The following CALN1 variants were observed in gnomAD, a reference collection of about 807,000 sequenced individuals.
CALN1 encodes the protein calcium-binding protein 8.
Under a neutral mutation model 30.6 loss-of-function variants are expected in CALN1, and 17 were observed. The observed-to-expected ratio is 0.56, with a 90% confidence interval of 0.38 to 0.83. CALN1 has a LOEUF of 0.83. Ranked by LOEUF, CALN1 falls within the 40% of genes least tolerant of loss-of-function variation. The pLI is 0.00. For missense variants in CALN1, 291 were observed against 354.9 expected (o/e 0.82, Z 1.45); for synonymous variants, 156 against 131.4 (o/e 1.19, Z -1.28).
At chr7:72,473,748 C>T in the CALN1 span, among the ~76,000 whole-genome samples, 2 of 151,822 alleles carry the variant, frequency 1.3e-5, no homozygotes, top group African/African-American at 2.4e-5. Context: ...GCCTGGCCAA[C>T]GTGGCGAAAC....
intron 5 of CALN1, among the ~76,000 whole-genome samples, chr7:71,859,104 C>T (rs1320360348): frequency 2.0e-5 from 3 of 152,012 alleles, no homozygotes; most frequent in African/African-American, 7.2e-5. Flanking sequence ...TGCTCTATCC[C>T]CAAGCTGGAG....
chr7:72,217,176 A>G (rs1792887998), intron 3 of CALN1, among the ~76,000 whole-genome samples: 1 of 152,134 alleles, frequency 6.6e-6, no homozygotes, highest in African/African-American at 2.4e-5. Flanking sequence ...TCCCACACCC[A>G]AACTCCCCCT....
intron 3 of CALN1, among the ~76,000 whole-genome samples, chr7:72,251,394 T>C (rs1795546778): frequency 6.6e-6 from 1 of 152,102 alleles, no homozygotes; most frequent in Non-Finnish European, 1.5e-5. Flanking sequence ...TCCTCTGAAC[T>C]ACTTTTTTTT....
intron 3 of CALN1, among the ~76,000 whole-genome samples, chr7:72,261,265 G>A (rs1050642990): frequency 5.9e-5 from 9 of 152,042 alleles, no homozygotes; most frequent in Non-Finnish European, 1.3e-4. Flanking sequence ...CGGAGATCAC[G>A]CCACTGCATT....
intron 5 of CALN1, among the ~76,000 whole-genome samples, chr7:71,886,492 G>A (rs113831663): frequency 6.6e-6 from 1 of 152,242 alleles, no homozygotes; most frequent in Admixed American, 6.5e-5. Flanking sequence ...AAGCCTTCCG[G>A]CTGGGCATGG....
intron 3 of CALN1, among the ~76,000 whole-genome samples, chr7:72,169,874 G>C (rs553359417): frequency 6.6e-6 from 1 of 151,882 alleles, no homozygotes; most frequent in South Asian, 2.1e-4. Context: ...TATCTTTTTA[G>C]TAGAGACAGG....
intron 5 of CALN1, among the ~76,000 whole-genome samples, chr7:71,819,551 G>A (rs1788475426): frequency 6.6e-6 from 1 of 152,132 alleles, no homozygotes. Context: ...CTTTCACAGT[G>A]TCATACAAAC....
intron 5 of CALN1, among the ~76,000 whole-genome samples, chr7:71,909,254 G>A (rs915001744): frequency 1.4e-4 from 22 of 152,318 alleles, no homozygotes; most frequent in Non-Finnish European, 2.6e-4. Flanking sequence ...CTCCGGAAGT[G>A]CTGGTATTAC....
intron 3 of CALN1, among the ~76,000 whole-genome samples, chr7:72,272,059 C>A (rs1322421919): frequency 1.8e-3 from 222 of 120,714 alleles, no homozygotes; most frequent in Non-Finnish European, 1.9e-3. Flanking sequence ...AAGATTCTGT[C>A]AAAAAAAAAA....
rs187715724 is a variant in CALN1, at chr7:72,274,747, C to T, written c.244+3939G>A. ...CTCTACTACCTAGAAGGCATTTCCTCCTCCACCTAGTAAATATCCGTTTAA... is the reference window on the plus strand; with the variant it reads ...CTCTACTACCTAGAAGGCATTTCCTTCTCCACCTAGTAAATATCCGTTTAA... On this transcript the variant is annotated intron_variant, in intron 3 of 6. Transcript: ENST00000395275. 8.1e-3 allele frequency among the ~76,000 whole-genome samples: 1,231 copies of T among 152,230 alleles called. 8 individuals are homozygous for T. The highest frequency in any genetic ancestry group is 0.014 in the Middle Eastern group (4 of 294).
At chr7:72,351,165 T>G (rs1802900089) in intron 2 of CALN1, among the ~76,000 whole-genome samples, 1 of 152,094 alleles carries the variant, frequency 6.6e-6, no homozygotes, top group South Asian at 2.1e-4. Flanking sequence ...TTTTTTAATT[T>G]TAAAAAATAA....
At chr7:71,911,725 C>T (rs1322438630) in intron 5 of CALN1, among the ~76,000 whole-genome samples, 1 of 151,994 alleles carries the variant, frequency 6.6e-6, no homozygotes, top group Non-Finnish European at 1.5e-5. Flanking sequence ...AATGAAAGGG[C>T]GATGTGCTAA....
chr7:71,953,763 A>G (rs1584598412), intron 5 of CALN1, among the ~76,000 whole-genome samples: 1 of 152,048 alleles, frequency 6.6e-6, no homozygotes, highest in African/African-American at 2.4e-5. Flanking sequence ...ACTGACAAGC[A>G]GAGGACCAGT....
intron 5 of CALN1, among the ~76,000 whole-genome samples, chr7:71,970,598 T>G (rs1192379411): frequency 1.3e-5 from 2 of 151,816 alleles, no homozygotes; most frequent in African/African-American, 4.8e-5. Flanking sequence ...TTTTTTTTTT[T>G]GCAGCCAGCT....
chr7:71,882,850 TTG>T (rs34870061), intron 5 of CALN1, among the ~76,000 whole-genome samples: 6,271 of 130,906 alleles, frequency 0.048, 153 homozygotes, highest in South Asian at 0.13. Flanking sequence ...CCCATCTAAT[TTG>T]TGTGTGTGTG....
chr7:71,973,312 A>C (rs1797941656), intron 5 of CALN1, among the ~76,000 whole-genome samples: 1 of 151,994 alleles, frequency 6.6e-6, no homozygotes, highest in Non-Finnish European at 1.5e-5. Context: ...AGTAGCTGGG[A>C]TTACATGTGC....
At chr7:72,101,008 G>C (rs892719871) in intron 4 of CALN1, among the ~76,000 whole-genome samples, 2 of 151,762 alleles carry the variant, frequency 1.3e-5, no homozygotes, top group African/African-American at 4.8e-5. Flanking sequence ...TTGTCACCCA[G>C]GCTGGAGTGC....
intron 2 of CALN1, among the ~76,000 whole-genome samples, chr7:72,385,742 C>T (rs1023297440): frequency 1.3e-5 from 2 of 152,218 alleles, no homozygotes; most frequent in Admixed American, 1.3e-4. Flanking sequence ...CTCATGAGAT[C>T]GAATGGTTTA....
chr7:71,904,306 A>G (rs1444543538), intron 5 of CALN1, among the ~76,000 whole-genome samples: 1 of 152,218 alleles, frequency 6.6e-6, no homozygotes, highest in Admixed American at 6.5e-5. Flanking sequence ...TCTGTCTATC[A>G]AAGGATGAAT....
Sources: gnomAD v4.1 joint callset for allele counts (sites outside exome capture counted in the v4.1 genomes callset) on GRCh38, gnomAD v4.1.1 for gene constraint, MANE v1.5 for transcripts, NCBI Gene and HGNC (gene_info 2026-07-23, HGNC 2026-07-21) for gene names.